Variants in SULT2B1 observed in about 807,000 individuals in gnomAD.
The protein encoded by SULT2B1 is sulfotransferase family 2B member 1.
In SULT2B1, 16 loss-of-function variants were observed where a neutral mutation model predicts 33.2. The ratio of observed to expected loss-of-function variants is 0.48; its 90% confidence interval spans 0.33 to 0.73. SULT2B1 has a LOEUF of 0.73. Ranked by LOEUF, SULT2B1 falls within the 30% of genes least tolerant of loss-of-function variation. The pLI, the probability that SULT2B1 is intolerant of heterozygous loss-of-function variation, is 0.02. For synonymous variants in SULT2B1, 186 were observed against 200.5 expected, an observed-to-expected ratio of 0.93 and a Z score of 0.61; for missense variants, 500 against 506.0, an observed-to-expected ratio of 0.99 and a Z score of 0.11.
chr19:48,558,052 T>G (rs1311859053), intron 1 of SULT2B1, among the ~76,000 whole-genome samples: 1 of 152,200 alleles, frequency 6.6e-6, no homozygotes, highest in Non-Finnish European at 1.5e-5. Flanking sequence ...CCCTGTAACA[T>G]CCTTGCAGTT....
intron 6 of SULT2B1, among the ~76,000 whole-genome samples, chr19:48,597,635 G>C (rs1293150231): frequency 9.5e-6 from 1 of 105,140 alleles, no homozygotes; most frequent in Admixed American, 1.1e-4. Flanking sequence ...GAGCCACCGC[G>C]CCCGGCCTTT....
At chr19:48,574,412 G>A (rs778875182) in intron 1 of SULT2B1, among the ~76,000 whole-genome samples, 4 of 152,208 alleles carry the variant, frequency 2.6e-5, no homozygotes, top group Admixed American at 6.5e-5. Context: ...AAGAGGAACG[G>A]GCAAGATGCC....
chr19:48,569,214 C>T lies in SULT2B1; in HGVS notation c.72-6727C>T, dbSNP rs369652210. Reference sequence around the variant, plus strand: ...AAAATTAGCAGGGCGTGGTGGCGGGCGCCTGTAGTCCCAGCTACTCAGGAG... The same window carrying T: ...AAAATTAGCAGGGCGTGGTGGCGGGTGCCTGTAGTCCCAGCTACTCAGGAG... On this transcript the variant is annotated intron_variant, in intron 1 of 6. Coordinates refer to ENST00000201586, the MANE Select transcript of SULT2B1 (RefSeq NM_177973.2). Among the ~76,000 whole-genome samples, 20 of 151,268 alleles carry T rather than the reference C, an allele frequency of 1.3e-4. No homozygotes were observed. The East Asian group carries it at 2.0e-3, about 15-fold the overall frequency.
At chr19:48,554,920 C>T (rs116396584) in intron 1 of SULT2B1, among the ~76,000 whole-genome samples, 2,135 of 151,918 alleles carry the variant, frequency 0.014, 44 homozygotes, top group African/African-American at 0.049. Context: ...ACCAGGGAAG[C>T]CTGACTGTTA....
In SULT2B1 at chr19:48,573,403, G is replaced by A. The variant is rs1039825220; in HGVS notation, c.72-2538G>A. Among the ~76,000 whole-genome samples, 3 of 152,222 alleles carry A rather than the reference G, an allele frequency of 2.0e-5. No homozygotes were observed. In the South Asian group the frequency reaches 6.2e-4, roughly 32 times the overall value. ...TTTGTGGGAACAAACAGGCCTGTTT[G>A]TCTACGTCCCAGGCGTAGAGAAGTT... On this transcript the variant is annotated intron_variant, in intron 1 of 6. Coordinates refer to ENST00000201586, the MANE Select transcript of SULT2B1 (RefSeq NM_177973.2).
chr19:48,583,873 G>A (rs1049114931), intron 2 of SULT2B1, among the ~76,000 whole-genome samples: 1 of 151,756 alleles, frequency 6.6e-6, no homozygotes, highest in African/African-American at 2.4e-5. Context: ...CAGCACTTTG[G>A]GAGGCTGAGG....
At chr19:48,594,022 G>T (rs535896816) in intron 5 of SULT2B1, among the ~76,000 whole-genome samples, 17 of 152,032 alleles carry the variant, frequency 1.1e-4, no homozygotes, top group African/African-American at 1.4e-4. Context: ...ACTTTGGGAG[G>T]CCGAGGTAGG....
intron 1 of SULT2B1, among the ~76,000 whole-genome samples, chr19:48,560,311 A>C (rs958909777): frequency 1.3e-5 from 2 of 152,084 alleles, no homozygotes; most frequent in African/African-American, 4.8e-5. Flanking sequence ...CTGTGTGGGG[A>C]TGAGCTCACT....
intron 2 of SULT2B1, among the ~76,000 whole-genome samples, chr19:48,578,398 A>G (rs992604877): frequency 3.3e-5 from 5 of 152,036 alleles, no homozygotes; most frequent in African/African-American, 1.2e-4. Context: ...CCTGGCCAAC[A>G]TGGTGAGACC....
intron 1 of SULT2B1, among the ~76,000 whole-genome samples, chr19:48,573,292 T>C (rs1280301556): frequency 6.6e-6 from 1 of 152,108 alleles, no homozygotes; most frequent in Middle Eastern, 3.2e-3. Flanking sequence ...CTGCTGTCCC[T>C]GTCCCTGGCC....
rs1973761686 is a variant in SULT2B1 at position 48,599,074 on chromosome 19, G to A, written c.827-61G>A. 6.6e-7 allele frequency: 1 copy of A among 1,523,148 alleles called. No individual in the cohort carries two copies. Among genetic ancestry groups the A allele is most frequent in the East Asian group, 2.4e-5 (1 of 40,874 alleles). 94.4% of individuals were successfully genotyped at this position (1,523,148 alleles called of 1,614,324 possible). On this transcript the variant is annotated intron_variant, in intron 6 of 6. Transcript: ENST00000201586. This position sits in a 1 kb window ranked among gnomAD's most constrained non-coding sequence, Gnocchi z 4.1. ...AGGGGAAGGAGGTTGCTGGAATGTT[G>A]GAGGTAGGGGCGCAGTGCTCCCCAG...
At position 48,599,367 on chromosome 19, in the gene SULT2B1, C is replaced by T. The variant is rs767909605; in HGVS notation, c.1059C>T (p.Pro353=). The T allele has an allele frequency of 3.4e-5, 54 of 1,566,956 alleles. No homozygotes were observed. In the East Asian group the frequency reaches 6.1e-4, roughly 18 times the overall value. The change falls in exon 7 of 7, where the codon CCC becomes CCT. Residue 353 remains proline, a synonymous_variant. Transcript: ENST00000201586. The surrounding 1 kb of genome is among the most constrained non-coding windows in gnomAD (Gnocchi z 4.1). The part of the protein sequence containing the change: ...PRPNSSPSPS[P]GQASETPHPR... Reference sequence around the variant, plus strand: ...CCAACTCCAGCCCCAGCCCCAGCCCCGGCCAGGCCTCTGAGACCCCGCACC... The same window carrying T: ...CCAACTCCAGCCCCAGCCCCAGCCCTGGCCAGGCCTCTGAGACCCCGCACC...
chr19:48,592,149 C>T (rs866145913), intron 4 of SULT2B1, among the ~76,000 whole-genome samples: 9 of 152,000 alleles, frequency 5.9e-5, no homozygotes, highest in South Asian at 4.2e-4. Flanking sequence ...AAAAATTAGC[C>T]GGGTGTGGTG....
At chr19:48,591,509 C>T (rs1052126036) in intron 3 of SULT2B1, 100 bp from the exon 4 acceptor site, 12 of 1,368,920 alleles carry the variant, frequency 8.8e-6, no homozygotes, top group Middle Eastern at 1.9e-4. Context: ...CTTCCTGCTT[C>T]AGGGTCAGAA....
intron 6 of SULT2B1, among the ~76,000 whole-genome samples, 189 bp from the exon 7 acceptor site, chr19:48,598,946 G>T (rs967922323): frequency 2.0e-5 from 3 of 152,058 alleles, no homozygotes; most frequent in African/African-American, 7.2e-5. Context: ...ACGGCGCCAG[G>T]TGACAGGCCA....
rs561117519 is a variant in SULT2B1, at chr19:48,568,280, C to T, written c.72-7661C>T. Among the ~76,000 whole-genome samples the T allele has an allele frequency of 2.4e-4, 31 of 130,144 alleles. 1 individual carries two copies. The South Asian group carries it at 5.4e-3, about 22-fold the overall frequency. 85.4% of individuals were successfully genotyped at this position (130,144 alleles called of 152,430 possible). Reference sequence around the variant, plus strand: ...CAGCCTGTGCAACAGAGTGAGACTCCATCTCAAAAAAAAAAAAAAAAAGTA... The same window carrying T: ...CAGCCTGTGCAACAGAGTGAGACTCTATCTCAAAAAAAAAAAAAAAAAGTA... On this transcript the variant is annotated intron_variant, in intron 1 of 6. Transcript: ENST00000201586.
At chr19:48,569,841 T>C (rs1423126339) in intron 1 of SULT2B1, among the ~76,000 whole-genome samples, 1 of 151,762 alleles carries the variant, frequency 6.6e-6, no homozygotes, top group African/African-American at 2.4e-5. Context: ...TAATTTTGTA[T>C]TTTTAGTAGA....
chr19:48,553,013 C>T (rs777056810), intron 1 of SULT2B1, among the ~76,000 whole-genome samples: 2 of 152,120 alleles, frequency 1.3e-5, no homozygotes, highest in East Asian at 1.9e-4. Context: ...AATCTGAACC[C>T]GGTCTGTCTC....
intron 1 of SULT2B1, among the ~76,000 whole-genome samples, chr19:48,562,018 G>C (rs1389473660): frequency 6.6e-6 from 1 of 152,150 alleles, no homozygotes; most frequent in Non-Finnish European, 1.5e-5. Flanking sequence ...GGGAGGCCAA[G>C]GCAGGAGGAT....
Sources: allele counts gnomAD v4.1 joint callset (sites outside exome capture counted in the v4.1 genomes callset), GRCh38; gene constraint gnomAD v4.1.1; non-coding constraint Gnocchi (gnomAD v3.1); transcripts MANE v1.5; gene names NCBI Gene and HGNC (gene_info 2026-07-23, HGNC 2026-07-21).